The following TGM6 variants were observed in gnomAD, a reference collection of about 807,000 sequenced individuals.
TGM6 encodes the protein transglutaminase 6.
A neutral mutation model predicts 77.5 loss-of-function variants in TGM6; 74 were observed. The observed-to-expected ratio is 0.96, with a 90% CI of 0.79 to 1.16. TGM6 has a LOEUF of 1.16. Ranked by LOEUF, TGM6 falls within the 50% of genes most tolerant of loss-of-function variation. TGM6 has a pLI of 0.00. For synonymous variants in TGM6, 383 were observed against 378.9 expected, an observed-to-expected ratio of 1.01 and a Z score of -0.12; for missense variants, 968 against 940.2, an observed-to-expected ratio of 1.03 and a Z score of -0.39.
chr20:2,399,504 C>A (rs952487533), intron 5 of TGM6, 57 bp from the exon 6 acceptor site: 6 of 1,610,310 alleles, frequency 3.7e-6, no homozygotes, highest in African/African-American at 2.7e-5. Context: ...GACCACGATG[C>A]GGTTCTTGAG....
chr20:2,404,316 A>G (rs1349066900), intron 9 of TGM6, among the ~76,000 whole-genome samples: 1 of 152,234 alleles, frequency 6.6e-6, no homozygotes, highest in Non-Finnish European at 1.5e-5. Flanking sequence ...TTAGGCTACA[A>G]AAACAAAACA....
intron 12 of TGM6, among the ~76,000 whole-genome samples, chr20:2,431,367 T>A (rs2084923271): frequency 1.3e-5 from 2 of 152,250 alleles, no homozygotes. Context: ...TTCACTCATT[T>A]GTTCATTTTT....
chr20:2,412,967 G>A (rs1413084976), intron 9 of TGM6, among the ~76,000 whole-genome samples: 2 of 152,108 alleles, frequency 1.3e-5, no homozygotes, highest in Admixed American at 6.5e-5. Flanking sequence ...TTGACCTACA[G>A]ACTCAACAAA....
At chr20:2,404,211 G>A (rs951460252) in intron 9 of TGM6, among the ~76,000 whole-genome samples, 2 of 152,200 alleles carry the variant, frequency 1.3e-5, no homozygotes, top group Non-Finnish European at 2.9e-5. Flanking sequence ...GCCCAATTCA[G>A]ACTAATAATA....
rs369443056 is a variant in TGM6 at position 2,425,217 on chromosome 20, A to G, written c.1679-5229A>G. On this transcript the variant is annotated intron_variant, in intron 10 of 12. Transcript: ENST00000202625. ...AAAAATACCTGCTGGGTGTGGTGGC[A>G]TGCTCCCATAGTCCTAGCTACCTGG... 4.1e-4 allele frequency among the ~76,000 whole-genome samples: 62 copies of G among 152,182 alleles called. 2 individuals are homozygous for G. The South Asian group carries it at 0.012, about 29-fold the overall frequency.
At chr20:2,408,507 C>G (rs138441563) in intron 9 of TGM6, among the ~76,000 whole-genome samples, 12 of 152,312 alleles carry the variant, frequency 7.9e-5, no homozygotes, top group Non-Finnish European at 1.6e-4. Flanking sequence ...TGGCAGGAAG[C>G]CTGACTGTTT....
At chr20:2,410,197 G>A (rs1410572723) in intron 9 of TGM6, among the ~76,000 whole-genome samples, 1 of 152,174 alleles carries the variant, frequency 6.6e-6, no homozygotes, top group Non-Finnish European at 1.5e-5. Context: ...CCTCCAGGGA[G>A]GGGAGAGAGG....
intron 10 of TGM6, among the ~76,000 whole-genome samples, chr20:2,419,695 T>A (rs993881955): frequency 3.3e-5 from 5 of 152,220 alleles, no homozygotes; most frequent in Non-Finnish European, 7.3e-5. Context: ...TTGCATTGTA[T>A]TTTAAATATT....
intron 9 of TGM6, among the ~76,000 whole-genome samples, chr20:2,414,514 AATGTT>A (rs1438547830): frequency 1.3e-5 from 2 of 152,200 alleles, no homozygotes; most frequent in Non-Finnish European, 2.9e-5. Flanking sequence ...AGTTTCTCAA[AATGTT>A]AAACATAGTG....
chr20:2,409,528 A>G (rs935789385), intron 9 of TGM6, among the ~76,000 whole-genome samples: 13 of 152,262 alleles, frequency 8.5e-5, no homozygotes, highest in South Asian at 6.2e-4. Flanking sequence ...CCTGGCCAAC[A>G]TTGGGAAACC....
intron 1 of TGM6, among the ~76,000 whole-genome samples, chr20:2,384,941 C>T (rs370952226): frequency 6.8e-6 from 1 of 147,706 alleles, no homozygotes; most frequent in South Asian, 2.3e-4. Context: ...TGAAGGCCCC[C>T]AGAGCTGAAA....
At chr20:2,422,881 T>C (rs937075314) in intron 10 of TGM6, among the ~76,000 whole-genome samples, 4 of 148,458 alleles carry the variant, frequency 2.7e-5, no homozygotes, top group African/African-American at 1.0e-4. Flanking sequence ...GCCCGGGAGT[T>C]CAAGGCTGCA....
Position 2,396,521 on chromosome 20 carries a change from T to C in TGM6, c.440T>C (p.Leu147Pro). Residue 147 changes from leucine (L) to proline (P), a missense_variant, in exon 4 of 13, where the codon CTG (leucine) becomes CCG (proline). Transcript: ENST00000202625. ...NPWCAEDDVF[L>P]ASEEERQEYV... Reference sequence around the variant, plus strand: ...TGCTTTTCAGAGGACGATGTGTTTCTGGCCTCAGAGGAGGAGAGACAGGAG... The same window carrying C: ...TGCTTTTCAGAGGACGATGTGTTTCCGGCCTCAGAGGAGGAGAGACAGGAG... 6.2e-7 allele frequency: 1 copy of C among 1,614,196 alleles called. No individual in the cohort carries two copies. Among genetic ancestry groups the C allele is most frequent in the African/African-American group, 1.3e-5 (1 of 75,062 alleles).
At chr20:2,430,733 T>C in intron 11 of TGM6, 133 bp downstream of exon 11, 1 of 1,587,882 alleles carries the variant, frequency 6.3e-7, no homozygotes, top group Non-Finnish European at 8.6e-7. Context: ...AGGAGTGGGT[T>C]GGACATAAGG....
At chr20:2,423,421 CAGG>C (rs2084869073) in intron 10 of TGM6, among the ~76,000 whole-genome samples, 1 of 152,094 alleles carries the variant, frequency 6.6e-6, no homozygotes, top group Non-Finnish European at 1.5e-5. Context: ...GCATCTTCAC[CAGG>C]AGTAGTTTCC....
At chr20:2,386,811 G>A (rs375337133) in intron 1 of TGM6, among the ~76,000 whole-genome samples, 1 of 146,380 alleles carries the variant, frequency 6.8e-6, no homozygotes, top group Non-Finnish European at 1.6e-5. Flanking sequence ...GGCAGGGAAG[G>A]GGGGAAACCA....
intron 1 of TGM6, among the ~76,000 whole-genome samples, chr20:2,383,979 C>T (rs2084575104): frequency 6.6e-6 from 1 of 151,890 alleles, no homozygotes. Context: ...TGGTGGTGGA[C>T]ACCTGTAGTC....
At chr20:2,388,475 G>C (rs1463767672) in intron 1 of TGM6, among the ~76,000 whole-genome samples, 1 of 152,132 alleles carries the variant, frequency 6.6e-6, no homozygotes, top group East Asian at 1.9e-4. Context: ...TCACTTAGAA[G>C]GCTGTGTAAC....
At chr20:2,413,493 T>G (rs1257141613) in intron 9 of TGM6, among the ~76,000 whole-genome samples, 1 of 152,098 alleles carries the variant, frequency 6.6e-6, no homozygotes, top group Non-Finnish European at 1.5e-5. Context: ...GACATATAGA[T>G]CAAAGAAACT....
Sources: gnomAD v4.1 joint callset for allele counts (sites outside exome capture counted in the v4.1 genomes callset) on GRCh38, gnomAD v4.1.1 for gene constraint, MANE v1.5 for transcripts, NCBI Gene and HGNC (gene_info 2026-07-23, HGNC 2026-07-21) for gene names.